The following SPOCK3 variants were observed in gnomAD, a reference collection of about 807,000 sequenced individuals.
SPOCK3 encodes testican-3.
Under a neutral mutation model 56.6 loss-of-function variants are expected in SPOCK3, and 30 were observed. The ratio of observed to expected loss-of-function variants is 0.53; its 90% confidence interval spans 0.40 to 0.72. The LOEUF (loss-of-function observed/expected upper bound fraction) is 0.72. Ranked by LOEUF, SPOCK3 falls within the 30% of genes least tolerant of loss-of-function variation. The pLI is 0.00. For synonymous variants in SPOCK3, 196 were observed against 183.3 expected (o/e 1.07, Z -0.56); for missense variants, 527 against 530.0 (o/e 0.99, Z 0.06).
At position 166,863,257 on chromosome 4, in the gene SPOCK3, A is replaced by G. The variant is rs184061271; in HGVS notation, c.589+25873T>C. Among the ~76,000 whole-genome samples the G allele has an allele frequency of 8.6e-5, 13 of 152,026 alleles. No individual in the cohort carries two copies. The East Asian group carries it at 2.5e-3, about 30-fold the overall frequency. On this transcript the variant is annotated intron_variant, in intron 6 of 10. Transcript: ENST00000357545. ...GCCTGCCTTACAAGAGCTCCTGAAT[A>G]TGGAAAGGAGCTCTTTCCATATTCA...
chr4:167,108,333 T>C (rs1427110243), intron 2 of SPOCK3, among the ~76,000 whole-genome samples: 1 of 151,920 alleles, frequency 6.6e-6, no homozygotes, highest in Non-Finnish European at 1.5e-5. Context: ...GAAATCAGTA[T>C]ATAGAAGAGA....
intron 2 of SPOCK3, among the ~76,000 whole-genome samples, chr4:167,188,733 A>G (rs1732229270): frequency 6.8e-6 from 1 of 146,258 alleles, no homozygotes; most frequent in South Asian, 2.1e-4. Context: ...ATTTTTCAAA[A>G]GCCACAGTTG....
chr4:167,017,708 T>A (rs1284619565), intron 3 of SPOCK3, among the ~76,000 whole-genome samples: 1 of 152,012 alleles, frequency 6.6e-6, no homozygotes, highest in East Asian at 1.9e-4. Flanking sequence ...TCCTGACCGT[T>A]TGTATATGAA....
At chr4:167,127,563 G>T (rs935216245) in intron 2 of SPOCK3, among the ~76,000 whole-genome samples, 1 of 152,192 alleles carries the variant, frequency 6.6e-6, no homozygotes, top group East Asian at 1.9e-4. Context: ...AGGTAGCTGG[G>T]ATTACAGGCG....
chr4:166,832,202 A>G (rs1746153156), intron 6 of SPOCK3, among the ~76,000 whole-genome samples: 1 of 151,950 alleles, frequency 6.6e-6, no homozygotes, highest in African/African-American at 2.4e-5. Flanking sequence ...TTCTTTTAGG[A>G]TTCTTAGTTT....
chr4:167,191,142 T>G (rs1732441388), intron 2 of SPOCK3, among the ~76,000 whole-genome samples: 1 of 146,036 alleles, frequency 6.8e-6, no homozygotes, highest in Non-Finnish European at 1.5e-5. Context: ...TATAGGATTG[T>G]TTTTTTATTT....
chr4:167,125,188 A>AT (rs963530686), intron 2 of SPOCK3, among the ~76,000 whole-genome samples: 4 of 132,400 alleles, frequency 3.0e-5, no homozygotes, highest in East Asian at 2.1e-4. Flanking sequence ...GAGCACAGAG[A>AT]TTTTTTATTT....
intron 7 of SPOCK3, among the ~76,000 whole-genome samples, chr4:166,768,087 C>T (rs1560835227): frequency 6.6e-6 from 1 of 151,984 alleles, no homozygotes; most frequent in Non-Finnish European, 1.5e-5. Flanking sequence ...TGTGTCTCTG[C>T]ATGTGAGATG....
intron 6 of SPOCK3, among the ~76,000 whole-genome samples, chr4:166,860,554 T>C (rs1347749152): frequency 6.6e-6 from 1 of 151,720 alleles, no homozygotes; most frequent in Non-Finnish European, 1.5e-5. Context: ...TTGTGTAAAA[T>C]CAATGATAAA....
intron 2 of SPOCK3, among the ~76,000 whole-genome samples, chr4:167,089,569 T>C (rs577881125): frequency 1.3e-5 from 2 of 152,280 alleles, no homozygotes; most frequent in East Asian, 1.9e-4. Context: ...ATCCAGTATA[T>C]TGGGGAATTT....
At chr4:166,746,686 A>G (rs1325721090) in intron 8 of SPOCK3, among the ~76,000 whole-genome samples, 1 of 152,234 alleles carries the variant, frequency 6.6e-6, no homozygotes, top group Non-Finnish European at 1.5e-5. Context: ...AAAATCAATG[A>G]ATCCAGGAGC....
intron 2 of SPOCK3, among the ~76,000 whole-genome samples, chr4:167,105,455 A>G (rs1389140831): frequency 3.3e-5 from 4 of 119,928 alleles, no homozygotes; most frequent in African/African-American, 1.2e-4. Flanking sequence ...CAACAAATAC[A>G]CAAAAATTAA....
At chr4:166,832,761 T>A (rs1746211720) in intron 6 of SPOCK3, among the ~76,000 whole-genome samples, 1 of 152,156 alleles carries the variant, frequency 6.6e-6, no homozygotes. Context: ...GCAGCGTAGA[T>A]GCAGCTAGGG....
chr4:166,958,983 T>C (rs1277213957), intron 4 of SPOCK3, among the ~76,000 whole-genome samples: 1 of 152,206 alleles, frequency 6.6e-6, no homozygotes, highest in Non-Finnish European at 1.5e-5. Flanking sequence ...ATGTTATGTC[T>C]TTGATAACAT....
At chr4:167,101,888 GA>G (rs1759683342) in intron 2 of SPOCK3, among the ~76,000 whole-genome samples, 1 of 150,884 alleles carries the variant, frequency 6.6e-6, no homozygotes, top group South Asian at 2.1e-4. Context: ...ATGCCAGGCT[GA>G]GTTTTTTTTT....
At chr4:167,203,368 T>C (rs1733706022) in intron 2 of SPOCK3, among the ~76,000 whole-genome samples, 1 of 151,924 alleles carries the variant, frequency 6.6e-6, no homozygotes, top group African/African-American at 2.4e-5. Context: ...ATTATTTAAT[T>C]GTGGTAGAGA....
chr4:167,016,387 G>A lies in SPOCK3; in HGVS notation c.236-15924C>T, dbSNP rs958659309. 3.9e-4 allele frequency among the ~76,000 whole-genome samples: 58 copies of A among 148,374 alleles called. 2 individuals carry two copies. Among genetic ancestry groups the A allele is most frequent in the Admixed American group, 3.8e-3 (57 of 14,972 alleles). The stretch of plus-strand genomic sequence containing the variant: ...GGATAAAATGCTGCTATATATTTTT[G>A]TTCAACTTTAAAACTTAGATAAAAT... On this transcript the variant is annotated intron_variant, in intron 3 of 10. Coordinates refer to ENST00000357545, the MANE Select transcript of SPOCK3 (RefSeq NM_001040159.2).
chr4:166,768,223 C>T (rs560358240), intron 7 of SPOCK3, among the ~76,000 whole-genome samples: 77 of 152,192 alleles, frequency 5.1e-4, no homozygotes, highest in Non-Finnish European at 9.3e-4. Flanking sequence ...GAAATTGATC[C>T]TGTCATTATG....
chr4:166,768,823 C>T (rs1463997760), intron 7 of SPOCK3, among the ~76,000 whole-genome samples: 2 of 152,168 alleles, frequency 1.3e-5, no homozygotes, highest in African/African-American at 4.8e-5. Flanking sequence ...TTCAGGTACA[C>T]CAGTCAGATG....
Sources: allele counts gnomAD v4.1 joint callset (sites outside exome capture counted in the v4.1 genomes callset), GRCh38; gene constraint gnomAD v4.1.1; transcripts MANE v1.5; gene names NCBI Gene and HGNC (gene_info 2026-07-23, HGNC 2026-07-21).